CTNND2: variants seen among roughly 807,000 people sequenced by gnomAD.
CTNND2 encodes catenin delta 2, also known as catenin delta-2.
Under a neutral mutation model 144.4 loss-of-function variants are expected in CTNND2, and 22 were observed. The ratio of observed to expected loss-of-function variants is 0.15; its 90% CI spans 0.11 to 0.22. CTNND2 has a LOEUF of 0.22. Among genes scored for constraint, CTNND2 ranks in the 10% least tolerant of loss-of-function variants. The pLI is 1.00. For missense variants in CTNND2, 1,353 were observed against 1,618.8 expected (o/e 0.84, Z 2.82); for synonymous variants, 751 against 695.6 (o/e 1.08, Z -1.25).
chr5:11,192,084 T>C (rs1736320143), intron 11 of CTNND2, among the ~76,000 whole-genome samples: 1 of 152,214 alleles, frequency 6.6e-6, no homozygotes, highest in African/African-American at 2.4e-5. Flanking sequence ...ATGATGCACC[T>C]GGAGACAGGC....
chr5:11,485,209 A>G (rs1768681809), intron 3 of CTNND2, among the ~76,000 whole-genome samples: 1 of 152,198 alleles, frequency 6.6e-6, no homozygotes, highest in Non-Finnish European at 1.5e-5. Flanking sequence ...ATAAAAACAA[A>G]ATGTAGAATT....
At chr5:11,288,842 C>G (rs1193003768) in intron 9 of CTNND2, among the ~76,000 whole-genome samples, 1 of 137,200 alleles carries the variant, frequency 7.3e-6, no homozygotes, top group Non-Finnish European at 1.6e-5. Context: ...AAAAGAAAAC[C>G]AAAAAGGAAA....
chr5:11,860,634 G>T (rs759300169), intron 1 of CTNND2, among the ~76,000 whole-genome samples: 2 of 152,168 alleles, frequency 1.3e-5, no homozygotes, highest in Non-Finnish European at 2.9e-5. Context: ...TTATAAAAGT[G>T]CTATAATTTA....
rs78193451 is a variant in CTNND2 at position 11,426,477 on chromosome 5, T to G, written c.288-14408A>C. ...TATCTTTGAGCTTATGTTTTGCGAGTGAAATCTGACAGGTCAATGGAGCAT... is the reference window on the plus strand; with the variant it reads ...TATCTTTGAGCTTATGTTTTGCGAGGGAAATCTGACAGGTCAATGGAGCAT... On this transcript the variant is annotated intron_variant, in intron 3 of 21. Transcript: ENST00000304623. Among the ~76,000 whole-genome samples the G allele has an allele frequency of 1.6e-3, 239 of 152,268 alleles. 2 individuals carry two copies. The highest frequency in any genetic ancestry group is 7.7e-3 in the East Asian group (40 of 5,166).
chr5:11,828,998 T>C (rs1561839431), intron 1 of CTNND2, among the ~76,000 whole-genome samples: 1 of 152,052 alleles, frequency 6.6e-6, no homozygotes, highest in Non-Finnish European at 1.5e-5. Flanking sequence ...GTGACACTTG[T>C]TATGTTTTAG....
intron 2 of CTNND2, among the ~76,000 whole-genome samples, chr5:11,623,979 G>A (rs1023046029): frequency 1.3e-5 from 2 of 150,964 alleles, no homozygotes; most frequent in Non-Finnish European, 3.0e-5. Flanking sequence ...ATCAATCATC[G>A]AAGCAGAAAT....
intron 10 of CTNND2, among the ~76,000 whole-genome samples, chr5:11,235,280 T>C (rs1301083975): frequency 6.6e-6 from 1 of 152,196 alleles, no homozygotes; most frequent in Admixed American, 6.5e-5. Flanking sequence ...AAGAGAAAAG[T>C]TATGGTCTTC....
intron 3 of CTNND2, among the ~76,000 whole-genome samples, chr5:11,473,088 G>C (rs1217636239): frequency 6.6e-6 from 1 of 152,050 alleles, no homozygotes; most frequent in African/African-American, 2.4e-5. Flanking sequence ...AAGAAAGAAA[G>C]AAAAAATTAG....
intron 18 of CTNND2, among the ~76,000 whole-genome samples, chr5:11,016,906 G>T (rs1180693365): frequency 6.6e-6 from 1 of 151,956 alleles, no homozygotes; most frequent in African/African-American, 2.4e-5. Flanking sequence ...GAGTAGCTGG[G>T]ATTACAGGCG....
intron 2 of CTNND2, among the ~76,000 whole-genome samples, chr5:11,689,279 G>A (rs1204480254): frequency 6.6e-6 from 1 of 152,136 alleles, no homozygotes; most frequent in South Asian, 2.1e-4. Context: ...GAATGATGGT[G>A]TCTATTTTAC....
chr5:11,277,272 C>A (rs1005407028), intron 9 of CTNND2, among the ~76,000 whole-genome samples: 1 of 151,886 alleles, frequency 6.6e-6, no homozygotes, highest in African/African-American at 2.4e-5. Context: ...TTGAAACTCT[C>A]CCTTTTACTG....
At chr5:11,010,959 G>T (rs1399967861) in intron 18 of CTNND2, among the ~76,000 whole-genome samples, 1 of 152,228 alleles carries the variant, frequency 6.6e-6, no homozygotes, top group East Asian at 1.9e-4. Context: ...TCTATTCAGA[G>T]AAATATGATC....
Position 11,411,495 on chromosome 5 carries a change from A to G in CTNND2, c.439+41T>C, listed in dbSNP as rs550826494. ...TTAGAAATAATGACATAATACTCCT[A>G]TATTTCAACTATCTTCAAGCATAAC... On this transcript the variant is annotated intron_variant, in intron 5 of 21. Transcript: ENST00000304623. 6.0e-5 allele frequency: 58 copies of G among 960,720 alleles called. No homozygotes were observed. In the Middle Eastern group the frequency reaches 8.4e-4, roughly 14 times the overall value. The allele number at this position is 960,720 out of a possible 1,614,324, so 59.5% of individuals were successfully genotyped here.
At chr5:11,532,175 T>G (rs556494151) in intron 3 of CTNND2, among the ~76,000 whole-genome samples, 1 of 152,212 alleles carries the variant, frequency 6.6e-6, no homozygotes, top group South Asian at 2.1e-4. Flanking sequence ...AGAGCCTCCC[T>G]ACAGGGCCAC....
chr5:11,236,392 T>C (rs529201776), intron 10 of CTNND2, among the ~76,000 whole-genome samples: 6 of 152,288 alleles, frequency 3.9e-5, no homozygotes, highest in South Asian at 4.1e-4. Flanking sequence ...AGAGTCGGAA[T>C]TGGGAAGAGA....
chr5:11,720,324 G>C (rs527376209), intron 2 of CTNND2, among the ~76,000 whole-genome samples: 32 of 152,204 alleles, frequency 2.1e-4, no homozygotes, highest in Admixed American at 1.0e-3. Context: ...CAAATATATG[G>C]GGGGCTACTT....
intron 2 of CTNND2, among the ~76,000 whole-genome samples, chr5:11,575,903 A>G (rs1777939322): frequency 6.6e-6 from 1 of 152,022 alleles, no homozygotes; most frequent in Non-Finnish European, 1.5e-5. Context: ...AGCCTCAATG[A>G]CTAGTTCTTG....
At chr5:10,991,207 C>A (rs1738637548) in intron 19 of CTNND2, among the ~76,000 whole-genome samples, 1 of 152,178 alleles carries the variant, frequency 6.6e-6, no homozygotes, top group African/African-American at 2.4e-5. Flanking sequence ...CAGATATTGG[C>A]CATTCATTTC....
intron 1 of CTNND2, among the ~76,000 whole-genome samples, chr5:11,770,547 G>A (rs541822276): frequency 6.6e-6 from 1 of 152,154 alleles, no homozygotes; most frequent in East Asian, 1.9e-4. Context: ...CCATCATTCA[G>A]GAACCTACTC....
Sources: allele counts gnomAD v4.1 joint callset (sites outside exome capture counted in the v4.1 genomes callset), GRCh38; gene constraint gnomAD v4.1.1; transcripts MANE v1.5; gene names NCBI Gene and HGNC (gene_info 2026-07-23, HGNC 2026-07-21).